The following STAG2 variants were observed in gnomAD, a reference collection of about 807,000 sequenced individuals.
The protein encoded by STAG2 is STAG2 cohesin complex component.
In STAG2, 14 loss-of-function variants were observed where a neutral mutation model predicts 108.1. That is an observed-to-expected ratio of 0.13 (90% CI 0.09 to 0.20). The LOEUF (loss-of-function observed/expected upper bound fraction) is 0.20, where lower values mean the gene tolerates loss of function less well. Ranked by LOEUF, STAG2 falls within the 10% of genes least tolerant of loss-of-function variation. STAG2 has a pLI of 1.00. For missense variants in STAG2, 440 were observed against 940.9 expected, an observed-to-expected ratio of 0.47 and a Z score of 6.96; for synonymous variants, 307 against 302.7, an observed-to-expected ratio of 1.01 and a Z score of -0.15.
At chrX:124,098,100 T>C (rs2059428082) in intron 34 of STAG2, among the ~76,000 whole-genome samples, 1 of 110,432 alleles carries the variant, frequency 9.1e-6, no homozygotes, top group African/African-American at 3.3e-5. Flanking sequence ...ATTTAACATT[T>C]AGAGAAAAAT....
intron 24 of STAG2, among the ~76,000 whole-genome samples, chrX:124,069,920 G>A (rs954838852): frequency 9.0e-6 from 1 of 111,260 alleles, no homozygotes; most frequent in African/African-American, 3.3e-5. Context: ...TGCACAGATC[G>A]AAACCTAATG....
chrX:124,021,688 T>C (rs1012231041), intron 2 of STAG2, among the ~76,000 whole-genome samples: 4 of 112,004 alleles, frequency 3.6e-5, no homozygotes, highest in Non-Finnish European at 3.8e-5. Context: ...TAACATTTTT[T>C]CCCCCTTCTC....
Position 124,059,446 on chromosome X carries a change from T to A in STAG2, c.1416+1469T>A, listed in dbSNP as rs756233844. Among the ~76,000 whole-genome samples, 3 of 112,289 alleles carry A rather than the reference T, an allele frequency of 2.7e-5. No individual in the cohort carries two copies. In the South Asian group the frequency reaches 1.1e-3, roughly 41 times the overall value. On this transcript the variant is annotated intron_variant, in intron 15 of 34. Transcript: ENST00000371145. ...GATTGAGAATGTTCCCTTTTATTCTTTTCTTTGCTGAAAGTTTCTAACATG... is the reference window on the plus strand; with the variant it reads ...GATTGAGAATGTTCCCTTTTATTCTATTCTTTGCTGAAAGTTTCTAACATG...
rs754036360 is a variant in STAG2 at position 124,052,651 on chromosome X, CTGTT to C, written c.1196+1260_1196+1263del. 4.5e-5 allele frequency among the ~76,000 whole-genome samples: 5 copies of C among 110,964 alleles called. No individual in the cohort carries two copies. In the South Asian group the frequency reaches 1.5e-3, roughly 33 times the overall value. ...TATGAACATAGATGTGTACAAGTAT[CTGTT>C]TGAGTCTCTGCTTTCAGTTCTTTTA... On this transcript the variant is annotated intron_variant, in intron 13 of 34. Coordinates refer to ENST00000371145, the MANE Select transcript of STAG2 (RefSeq NM_001042750.2).
intron 1 of STAG2, among the ~76,000 whole-genome samples, chrX:124,018,491 C>T (rs987327154): frequency 2.0e-4 from 22 of 109,855 alleles, no homozygotes; most frequent in Admixed American, 1.7e-3. Flanking sequence ...GATGGACAGA[C>T]GGACGGATGG....
At chrX:124,016,153 T>C (rs1034708396) in intron 1 of STAG2, among the ~76,000 whole-genome samples, 2 of 110,914 alleles carry the variant, frequency 1.8e-5, no homozygotes, top group Admixed American at 1.9e-4. Context: ...GTTTTTTTTT[T>C]CTCCTGAGGA....
intron 1 of STAG2, among the ~76,000 whole-genome samples, chrX:123,967,256 ATTTTTTTT>A (rs1177101640): frequency 1.6e-4 from 8 of 50,224 alleles, no homozygotes; most frequent in Non-Finnish European, 2.4e-4. Flanking sequence ...TCAATGGTGT[ATTTTTTTT>A]TTTTTTTTTT....
chrX:124,079,200 G>A (rs58356015), intron 27 of STAG2, among the ~76,000 whole-genome samples: 6 of 104,575 alleles, frequency 5.7e-5, no homozygotes, highest in Non-Finnish European at 1.2e-4. Context: ...GTGCAGTGGC[G>A]TGATCTTGGC....
At chrX:123,967,456 G>A (rs945508859) in intron 1 of STAG2, among the ~76,000 whole-genome samples, 1 of 108,705 alleles carries the variant, frequency 9.2e-6, no homozygotes, top group African/African-American at 3.4e-5. Context: ...GTAGAGACGG[G>A]GTTTTTTCCA....
intron 8 of STAG2, among the ~76,000 whole-genome samples, chrX:124,047,010 A>G (rs894053382): frequency 9.0e-6 from 1 of 111,330 alleles, no homozygotes; most frequent in Admixed American, 9.6e-5. Context: ...ATTATAGAAT[A>G]ATGGGATTTA....
At chrX:123,984,668 G>T (rs1243564447) in intron 1 of STAG2, among the ~76,000 whole-genome samples, 1 of 110,884 alleles carries the variant, frequency 9.0e-6, no homozygotes, top group East Asian at 2.8e-4. Flanking sequence ...TTTTTTTGAG[G>T]TGAGGTCTCA....
Position 124,063,881 on chromosome X carries a change from A to C in STAG2, c.1855A>C (p.Ile619Leu), listed in dbSNP as rs770952439. The C allele has an allele frequency of 8.3e-7, 1 of 1,209,330 alleles. No homozygotes were observed. The highest frequency in any genetic ancestry group is 1.7e-5 in the African/African-American group (1 of 57,212). Residue 619 changes from isoleucine (I) to leucine (L), a missense_variant, in exon 20 of 35, where the codon ATT becomes CTT. Transcript: ENST00000371145. ...TGCCTTATTGCGACAGATCCGGAAT[A>C]TTGTAGAGAAGCACACAGATACAGA... The part of the protein sequence containing the change: ...LDALLRQIRN[I>L]VEKHTDTDVL...
At chrX:124,089,729 T>C (rs752786823) in intron 30 of STAG2, among the ~76,000 whole-genome samples, 2 of 112,077 alleles carry the variant, frequency 1.8e-5, no homozygotes, top group South Asian at 7.5e-4. Context: ...CACAAGATTT[T>C]CCACAGTTTG....
intron 27 of STAG2, 33 bp from the exon 28 acceptor site, chrX:124,081,347 G>A (rs770187891): frequency 8.7e-6 from 9 of 1,035,663 alleles, no homozygotes; most frequent in Non-Finnish European, 1.2e-5. Context: ...CAGGTATTAA[G>A]AACTTTAACA....
chrX:124,074,190 A>C (rs2058744253), intron 25 of STAG2, among the ~76,000 whole-genome samples: 1 of 112,713 alleles, frequency 8.9e-6, no homozygotes, highest in Non-Finnish European at 1.9e-5. Flanking sequence ...CCGGGATTAT[A>C]GGCACATGCC....
chrX:124,059,420 C>T (rs753166218), intron 15 of STAG2, among the ~76,000 whole-genome samples: 7 of 111,833 alleles, frequency 6.3e-5, no homozygotes, highest in Admixed American at 1.9e-4. Context: ...ATTTATAATC[C>T]GATTGAGAAT....
At chrX:124,038,124 G>A (rs2057576153) in intron 6 of STAG2, among the ~76,000 whole-genome samples, 1 of 112,482 alleles carries the variant, frequency 8.9e-6, no homozygotes, top group African/African-American at 3.2e-5. Flanking sequence ...GTGTAGTGGT[G>A]TCTTTAAAGT....
intron 27 of STAG2, among the ~76,000 whole-genome samples, chrX:124,079,611 T>C (rs1015084027): frequency 9.0e-6 from 1 of 111,592 alleles, no homozygotes; most frequent in Non-Finnish European, 1.9e-5. Context: ...CAAGAGCCCA[T>C]CTCTACAGAA....
chrX:124,076,565 T>G, intron 26 of STAG2, 94 bp downstream of exon 26: 2 of 833,670 alleles, frequency 2.4e-6, no homozygotes, highest in Non-Finnish European at 3.3e-6. Context: ...CAAATTACAT[T>G]TCTAGTGTAA....
Sources: allele counts gnomAD v4.1 joint callset (sites outside exome capture counted in the v4.1 genomes callset), GRCh38; gene constraint gnomAD v4.1.1; transcripts MANE v1.5; gene names NCBI Gene and HGNC (gene_info 2026-07-23, HGNC 2026-07-21).